DENND1A: variants seen among roughly 807,000 people sequenced by gnomAD.
DENND1A encodes DENN domain containing 1A.
Under a neutral mutation model 113.7 loss-of-function variants are expected in DENND1A, and 51 were observed. The ratio of observed to expected loss-of-function variants is 0.45; its 90% CI spans 0.36 to 0.57. The LOEUF (loss-of-function observed/expected upper bound fraction) is 0.57, where lower values mean the gene tolerates loss of function less well. Ranked by LOEUF, DENND1A falls within the 20% of genes least tolerant of loss-of-function variation. The pLI is 0.00. For synonymous variants in DENND1A, 565 were observed against 570.8 expected (o/e 0.99, Z 0.14); for missense variants, 1,258 against 1,395.9 (o/e 0.90, Z 1.57).
intron 21 of DENND1A, among the ~76,000 whole-genome samples, chr9:123,391,506 C>T (rs772338449): frequency 1.8e-4 from 28 of 152,204 alleles, no homozygotes; most frequent in African/African-American, 6.8e-4. Context: ...GAGCTAGGAA[C>T]TGAATGTGGA....
At chr9:123,705,985 G>T (rs954316719) in intron 5 of DENND1A, among the ~76,000 whole-genome samples, 3 of 152,094 alleles carry the variant, frequency 2.0e-5, no homozygotes, top group Admixed American at 2.0e-4. Context: ...TTGTGTTCTG[G>T]GATCAGATGA....
chr9:123,743,056 T>C (rs748241238), intron 5 of DENND1A, among the ~76,000 whole-genome samples: 2 of 152,310 alleles, frequency 1.3e-5, no homozygotes, highest in Middle Eastern at 3.4e-3. Flanking sequence ...ATAACTGCCT[T>C]GGACTGAGTA....
chr9:123,774,510 A>C (rs1564244502), intron 3 of DENND1A, among the ~76,000 whole-genome samples: 1 of 152,186 alleles, frequency 6.6e-6, no homozygotes, highest in African/African-American at 2.4e-5. Flanking sequence ...TATAAGTGTC[A>C]AATTAAATCT....
At chr9:123,530,547 T>C (rs2055212114) in intron 13 of DENND1A, among the ~76,000 whole-genome samples, 1 of 152,198 alleles carries the variant, frequency 6.6e-6, no homozygotes, top group South Asian at 2.1e-4. Flanking sequence ...AGAAGAAAAG[T>C]AAACTCATGG....
At chr9:123,546,415 G>A (rs1023766294) in intron 13 of DENND1A, among the ~76,000 whole-genome samples, 22 of 152,034 alleles carry the variant, frequency 1.4e-4, no homozygotes, top group East Asian at 7.7e-4. Context: ...AGCCGGGCGT[G>A]GTGGTAGGCG....
intron 12 of DENND1A, among the ~76,000 whole-genome samples, chr9:123,574,651 G>A (rs758389043): frequency 4.6e-5 from 7 of 152,162 alleles, no homozygotes; most frequent in Non-Finnish European, 8.8e-5. Context: ...AGAGAATGCA[G>A]TCATGGGTTC....
chr9:123,929,013 G>GA, intron 1 of DENND1A: 1 of 664,504 alleles, frequency 1.5e-6, no homozygotes. Context: ...TGGGGCAGAG[G>GA]AAGGGAGAGG....
intron 13 of DENND1A, among the ~76,000 whole-genome samples, chr9:123,479,447 TC>T (rs1255531043): frequency 6.6e-6 from 1 of 152,242 alleles, no homozygotes; most frequent in Non-Finnish European, 1.5e-5. Flanking sequence ...GGGAAACCTT[TC>T]GGCTTTTCAG....
At chr9:123,749,381 G>C (rs1473205628) in intron 5 of DENND1A, among the ~76,000 whole-genome samples, 3 of 152,176 alleles carry the variant, frequency 2.0e-5, no homozygotes, top group Admixed American at 6.5e-5. Flanking sequence ...AGCAGTAAAA[G>C]TTGCTTTGGT....
At chr9:123,778,147 A>G (rs1223873699) in intron 3 of DENND1A, among the ~76,000 whole-genome samples, 1 of 152,226 alleles carries the variant, frequency 6.6e-6, no homozygotes, top group Non-Finnish European at 1.5e-5. Context: ...TGCAAGTAGA[A>G]AAAAAAGTCC....
intron 2 of DENND1A, among the ~76,000 whole-genome samples, chr9:123,868,162 T>C (rs1397823994): frequency 6.6e-6 from 1 of 152,200 alleles, no homozygotes; most frequent in Non-Finnish European, 1.5e-5. Context: ...ACTGATGCAA[T>C]GATTGATGTC....
intron 19 of DENND1A, among the ~76,000 whole-genome samples, chr9:123,421,747 C>T (rs1211671158): frequency 6.6e-6 from 1 of 152,168 alleles, no homozygotes; most frequent in African/African-American, 2.4e-5. Context: ...GAGTGCATAG[C>T]ACCCTCTATC....
At chr9:123,709,148 G>C (rs1198170445) in intron 5 of DENND1A, among the ~76,000 whole-genome samples, 29 of 152,132 alleles carry the variant, frequency 1.9e-4, no homozygotes, top group Admixed American at 1.9e-3. Flanking sequence ...TAGCATTTCT[G>C]CAACCCTATC....
chr9:123,817,626 A>G (rs1202848842), intron 2 of DENND1A, among the ~76,000 whole-genome samples: 1 of 152,332 alleles, frequency 6.6e-6, no homozygotes, highest in Admixed American at 6.5e-5. Context: ...CCTAGTTGGA[A>G]TATAAAGGAT....
intron 11 of DENND1A, among the ~76,000 whole-genome samples, chr9:123,605,264 C>G (rs2060104352): frequency 6.6e-6 from 1 of 152,016 alleles, no homozygotes; most frequent in Non-Finnish European, 1.5e-5. Context: ...CCTCATGTCA[C>G]TCTGAGGTCT....
intron 1 of DENND1A, among the ~76,000 whole-genome samples, chr9:123,881,123 C>A (rs1029404481): frequency 2.0e-5 from 3 of 152,004 alleles, no homozygotes; most frequent in Non-Finnish European, 4.4e-5. Flanking sequence ...TTTAAATATA[C>A]CTTGTCAAAC....
intron 2 of DENND1A, among the ~76,000 whole-genome samples, chr9:123,866,702 T>A (rs1845839011): frequency 6.6e-6 from 1 of 152,224 alleles, no homozygotes; most frequent in Admixed American, 6.5e-5. Context: ...TTTGTACCAC[T>A]TCCTGTGCTG....
intron 13 of DENND1A, among the ~76,000 whole-genome samples, chr9:123,515,592 T>C (rs2053831431): frequency 6.6e-6 from 1 of 152,260 alleles, no homozygotes; most frequent in Admixed American, 6.5e-5. Flanking sequence ...TGTACTATTC[T>C]TTCAACTTTT....
intron 18 of DENND1A, among the ~76,000 whole-genome samples, chr9:123,449,661 G>T (rs2047563648): frequency 6.6e-6 from 1 of 152,130 alleles, no homozygotes; most frequent in Non-Finnish European, 1.5e-5. Flanking sequence ...CAATCTGGGG[G>T]CATAAAAAGG....
Sources: allele counts gnomAD v4.1 joint callset (sites outside exome capture counted in the v4.1 genomes callset), GRCh38; gene constraint gnomAD v4.1.1; transcripts MANE v1.5; gene names NCBI Gene and HGNC (gene_info 2026-07-23, HGNC 2026-07-21).